BCL11B: variants seen among roughly 807,000 people sequenced by gnomAD.
The protein encoded by BCL11B is B-cell lymphoma/leukemia 11B.
In BCL11B, 8 loss-of-function variants were observed where a neutral mutation model predicts 49.9. That is an observed-to-expected ratio of 0.16 (90% CI 0.09 to 0.29). The LOEUF (loss-of-function observed/expected upper bound fraction) is 0.29, where lower values mean the gene tolerates loss of function less well. Ranked by LOEUF, BCL11B falls within the 10% of genes least tolerant of loss-of-function variation. The pLI, the probability that BCL11B is intolerant of heterozygous loss-of-function variation, is 1.00. For synonymous variants in BCL11B, 739 were observed against 637.4 expected (o/e 1.16, Z -2.40); for missense variants, 1,006 against 1,351.0 (o/e 0.74, Z 4.00).
At chr14:99,190,302 T>TA (rs1886984420) in intron 3 of BCL11B, among the ~76,000 whole-genome samples, 1 of 152,094 alleles carries the variant, frequency 6.6e-6, no homozygotes, top group African/African-American at 2.4e-5. Context: ...TCTTGGCTAA[T>TA]ACAGTGAAAC....
At position 99,236,343 on chromosome 14, in the gene BCL11B, G is replaced by A. The variant is rs577959567; in HGVS notation, c.428-4786C>T. On this transcript the variant is annotated intron_variant, in intron 2 of 3. Transcript: ENST00000357195. ...TGCTAAGTATTAAGAGCGTGAGGGG[G>A]AAAAGAAATAACGTGAAGTCAAATG... 5.3e-5 allele frequency among the ~76,000 whole-genome samples: 8 copies of A among 152,270 alleles called. No homozygotes were observed. The South Asian group carries it at 8.3e-4, about 16-fold the overall frequency.
rs1379156072 is a variant in BCL11B, at chr14:99,192,802, A to C, written c.641-16607T>G. 1.3e-5 allele frequency among the ~76,000 whole-genome samples: 2 copies of C among 152,242 alleles called. No individual in the cohort carries two copies. On this transcript the variant is annotated intron_variant, in intron 3 of 3. Coordinates refer to ENST00000357195, the MANE Select transcript of BCL11B (RefSeq NM_138576.4). This position sits in a 1 kb window ranked among gnomAD's most constrained non-coding sequence, Gnocchi z 4.0. ...GATGTGGAAAGATTCCAGAGCGTGC[A>C]TGGAAGAGTCCTGCCTCTGGTCAGT...
intron 3 of BCL11B, among the ~76,000 whole-genome samples, chr14:99,211,475 G>A (rs1261251942): frequency 6.6e-6 from 1 of 152,200 alleles, no homozygotes; most frequent in East Asian, 1.9e-4. Context: ...AGGGTATAGC[G>A]TAGAATTGCC....
intron 2 of BCL11B, among the ~76,000 whole-genome samples, chr14:99,246,399 G>T (rs1888838793): frequency 6.6e-6 from 1 of 152,234 alleles, no homozygotes; most frequent in Non-Finnish European, 1.5e-5. Context: ...GGAAGGAGGT[G>T]GACGATGGGC....
intron 2 of BCL11B, among the ~76,000 whole-genome samples, chr14:99,233,220 T>C (rs1325476780): frequency 1.3e-5 from 2 of 152,146 alleles, no homozygotes; most frequent in East Asian, 1.9e-4. Context: ...CAAATCCCTA[T>C]GTAGGCCTTC....
intron 2 of BCL11B, among the ~76,000 whole-genome samples, chr14:99,243,060 T>C (rs549580000): frequency 6.6e-6 from 1 of 152,326 alleles, no homozygotes; most frequent in East Asian, 1.9e-4. Context: ...ATGTCCCCTG[T>C]CCAGCTCCTC....
At chr14:99,188,000 G>A (rs779602080) in intron 3 of BCL11B, among the ~76,000 whole-genome samples, 8 of 152,176 alleles carry the variant, frequency 5.3e-5, no homozygotes, top group Non-Finnish European at 1.2e-4. Flanking sequence ...AGTTATATAG[G>A]TTAGCTAATG....
chr14:99,266,587 C>T (rs2139973630), intron 1 of BCL11B, among the ~76,000 whole-genome samples: 1 of 152,360 alleles, frequency 6.6e-6, no homozygotes, highest in South Asian at 2.1e-4. Flanking sequence ...CTCATTTTGT[C>T]CTGCACGAAT....
In BCL11B at chr14:99,172,842, T is replaced by C. The variant is rs1199399949; in HGVS notation, c.*1309A>G. The C allele has an allele frequency of 4.5e-6, 1 of 223,030 alleles. No homozygotes were observed. Among genetic ancestry groups the C allele is most frequent in the East Asian group, 6.4e-5 (1 of 15,532 alleles). The allele number at this position is 223,030 out of a possible 1,614,324, so 13.8% of individuals were successfully genotyped here. A position where few individuals can be genotyped will look rare whatever the true frequency, so the allele number is the denominator to read the frequency against. On this transcript the variant is annotated 3_prime_UTR_variant, in exon 4 of 4. Transcript: ENST00000357195. ...TTTAGTACCTTCCAACCTAATGAGA[T>C]AGGAAAAAAAAAATAAAAACCTGGG...
intron 3 of BCL11B, among the ~76,000 whole-genome samples, chr14:99,189,181 T>C (rs1461144759): frequency 2.0e-5 from 3 of 152,230 alleles, no homozygotes; most frequent in African/African-American, 7.2e-5. Context: ...CATTTCCATA[T>C]GAAAAACCTG....
In BCL11B at chr14:99,242,137, G is replaced by A. The variant is rs1349938123; in HGVS notation, c.428-10580C>T. 6.6e-6 allele frequency among the ~76,000 whole-genome samples: 1 copy of A among 152,166 alleles called. No individual in the cohort carries two copies. The highest frequency in any genetic ancestry group is 2.1e-4 in the South Asian group (1 of 4,826). Reference sequence around the variant, plus strand: ...CTGAGCGGTTCGGTTCAGAGTTTTAGGAGAACAAGAATCCTCTACCCCAAA... The same window carrying A: ...CTGAGCGGTTCGGTTCAGAGTTTTAAGAGAACAAGAATCCTCTACCCCAAA... On this transcript the variant is annotated intron_variant, in intron 2 of 3. Coordinates refer to ENST00000357195, the MANE Select transcript of BCL11B (RefSeq NM_138576.4). The surrounding 1 kb of genome is among the most constrained non-coding windows in gnomAD (Gnocchi z 4.4).
chr14:99,250,033 C>CTTT (rs35826122), intron 2 of BCL11B, among the ~76,000 whole-genome samples: 13 of 106,262 alleles, frequency 1.2e-4, no homozygotes, highest in African/African-American at 3.5e-4. Flanking sequence ...ACAGGAGAAT[C>CTTT]TTTTTTTTTT....
intron 1 of BCL11B, among the ~76,000 whole-genome samples, chr14:99,270,660 G>A (rs1218373711): frequency 6.6e-6 from 1 of 151,732 alleles, no homozygotes; most frequent in Non-Finnish European, 1.5e-5. Context: ...CTGGCCCTAC[G>A]GCTCCCCCAG....
At chr14:99,186,585 A>G (rs1216769082) in intron 3 of BCL11B, among the ~76,000 whole-genome samples, 1 of 152,248 alleles carries the variant, frequency 6.6e-6, no homozygotes, top group African/African-American at 2.4e-5. Flanking sequence ...CTGCATGCCT[A>G]AAGGCGGAGG....
intron 3 of BCL11B, among the ~76,000 whole-genome samples, chr14:99,208,451 G>A (rs1887596149): frequency 6.6e-6 from 1 of 152,170 alleles, no homozygotes; most frequent in Admixed American, 6.5e-5. Flanking sequence ...TGCTGCCACT[G>A]GCTGTTGGCA....
Position 99,175,087 on chromosome 14 carries a change from C to A in BCL11B, c.1749G>T (p.Ala583=). The A allele has an allele frequency of 2.5e-6, 4 of 1,600,538 alleles. No individual in the cohort carries two copies. Among genetic ancestry groups the A allele is most frequent in the Non-Finnish European group, 3.4e-6 (4 of 1,177,200 alleles). The change falls in exon 4 of 4, where the codon GCG becomes GCT. Residue 583 remains alanine, a synonymous_variant. Transcript: ENST00000357195. The stretch of plus-strand genomic sequence containing the variant: ...CCTTCTCGTCAGCCAGCGCCTTGGC[C>A]GCGCCGCCCCCCGCGCCCGGGACCC... ...VPGVPGAGGG[A]AKALADEKAL...
intron 3 of BCL11B, among the ~76,000 whole-genome samples, chr14:99,180,882 T>C (rs1886680138): frequency 6.6e-6 from 1 of 152,186 alleles, no homozygotes; most frequent in African/African-American, 2.4e-5. Flanking sequence ...ACATCGTTTT[T>C]TATTATGATG....
At position 99,231,451 on chromosome 14, in the gene BCL11B, C is replaced by T. The variant is rs897088678; in HGVS notation, c.534G>A (p.Pro178=). 22 of 1,596,040 alleles carry T rather than the reference C, an allele frequency of 1.4e-5. No individual in the cohort carries two copies. Among genetic ancestry groups the T allele is most frequent in the Non-Finnish European group, 1.6e-5 (19 of 1,171,148 alleles). The change falls in exon 3 of 4, where the codon CCG becomes CCA. Residue 178 remains proline (P), a synonymous_variant. Transcript: ENST00000357195. This position sits in a 1 kb window ranked among gnomAD's most constrained non-coding sequence, Gnocchi z 8.1. ...TGCAGCACGGCAGGGGGAGGCAGGG[C>T]GGGAGAGCGCCCAGGGCACGCAGAG... ...TSPLRALGAL[P]PCLPLPCCSA...
At chr14:99,211,690 A>G (rs1413247927) in intron 3 of BCL11B, among the ~76,000 whole-genome samples, 4 of 150,962 alleles carry the variant, frequency 2.6e-5, no homozygotes, top group African/African-American at 7.3e-5. Flanking sequence ...GCTGCACCTG[A>G]CCTCTTTCAC....
Sources: gnomAD v4.1 joint callset for allele counts (sites outside exome capture counted in the v4.1 genomes callset) on GRCh38, gnomAD v4.1.1 for gene constraint, Gnocchi (gnomAD v3.1) non-coding constraint, MANE v1.5 for transcripts, NCBI Gene and HGNC (gene_info 2026-07-23, HGNC 2026-07-21) for gene names.